Variants in NELL1 observed in about 807,000 individuals in gnomAD.
NELL1 encodes neural EGFL like 1.
NELL1 carries 76 observed loss-of-function variants against 107.4 expected under a neutral mutation model. The observed-to-expected ratio is 0.71, with a 90% CI of 0.59 to 0.86. The LOEUF (loss-of-function observed/expected upper bound fraction) is 0.86. Ranked by LOEUF, NELL1 falls within the 40% of genes least tolerant of loss-of-function variation. The pLI is 0.00. For synonymous variants in NELL1, 353 were observed against 341.2 expected, an observed-to-expected ratio of 1.03 and a Z score of -0.38; for missense variants, 1,024 against 1,005.5, an observed-to-expected ratio of 1.02 and a Z score of -0.25.
chr11:21,532,322 G>A (rs1053105679), intron 15 of NELL1, among the ~76,000 whole-genome samples: 4 of 152,092 alleles, frequency 2.6e-5, no homozygotes, highest in South Asian at 2.1e-4. Context: ...ACTCCTTATC[G>A]TTTCATTTTG....
chr11:20,756,827 C>G (rs1426374030), intron 2 of NELL1, among the ~76,000 whole-genome samples: 1 of 152,110 alleles, frequency 6.6e-6, no homozygotes. Flanking sequence ...AGTTAAGAAC[C>G]ATTGCACTAG....
intron 15 of NELL1, among the ~76,000 whole-genome samples, chr11:21,485,414 T>A (rs571458096): frequency 6.7e-6 from 1 of 149,286 alleles, no homozygotes; most frequent in Non-Finnish European, 1.5e-5. Context: ...TCCTCCTCAG[T>A]GGCAGGCCTC....
At chr11:21,387,106 C>G (rs889880803) in intron 15 of NELL1, among the ~76,000 whole-genome samples, 1 of 151,828 alleles carries the variant, frequency 6.6e-6, no homozygotes, top group African/African-American at 2.4e-5. Flanking sequence ...GGCGTTTGCA[C>G]CTAGTGTTCT....
chr11:21,341,540 G>A (rs1282381567), intron 14 of NELL1, among the ~76,000 whole-genome samples: 7 of 152,134 alleles, frequency 4.6e-5, no homozygotes, highest in Non-Finnish European at 1.0e-4. Flanking sequence ...TGGAGTATAT[G>A]TGATGAATTA....
intron 13 of NELL1, among the ~76,000 whole-genome samples, chr11:21,172,317 GT>G (rs1449169782): frequency 1.3e-5 from 2 of 151,872 alleles, no homozygotes; most frequent in African/African-American, 4.9e-5. Context: ...TTAGCACAGA[GT>G]GGTTTTCTCT....
Position 20,847,565 on chromosome 11 carries a change from T to G in NELL1, c.336-18T>G. The G allele has an allele frequency of 6.2e-7, 1 of 1,607,320 alleles. No homozygotes were observed. Among genetic ancestry groups the G allele is most frequent in the African/African-American group, 1.3e-5 (1 of 74,830 alleles). On this transcript the variant is annotated intron_variant, in intron 3 of 19. Coordinates refer to ENST00000357134, the MANE Select transcript of NELL1 (RefSeq NM_006157.5). Reference sequence around the variant, plus strand: ...TCCAGAACTAAAATAAAACAAATGTTTGTTCCTTTACATACAGCTATTTTG... The same window carrying G: ...TCCAGAACTAAAATAAAACAAATGTGTGTTCCTTTACATACAGCTATTTTG...
At chr11:20,707,049 G>T (rs1259206024) in intron 2 of NELL1, among the ~76,000 whole-genome samples, 1 of 152,100 alleles carries the variant, frequency 6.6e-6, no homozygotes, top group African/African-American at 2.4e-5. Context: ...ATATTTCTTG[G>T]AGGCTTTGTT....
intron 14 of NELL1, among the ~76,000 whole-genome samples, chr11:21,346,019 A>G (rs1345158011): frequency 1.3e-5 from 2 of 152,156 alleles, no homozygotes; most frequent in Non-Finnish European, 2.9e-5. Context: ...CATATTAGTA[A>G]AATGTGTTTC....
chr11:21,245,853 G>A (rs1046534313), intron 14 of NELL1, among the ~76,000 whole-genome samples: 1 of 152,104 alleles, frequency 6.6e-6, no homozygotes, highest in African/African-American at 2.4e-5. Context: ...ATGTTATGAA[G>A]GGGAAGGTTT....
intron 15 of NELL1, among the ~76,000 whole-genome samples, chr11:21,443,610 T>C (rs1286451252): frequency 6.6e-6 from 1 of 152,102 alleles, no homozygotes; most frequent in Non-Finnish European, 1.5e-5. Context: ...GGAAGTAGGT[T>C]GGCTGTTGGG....
chr11:20,807,319 C>T (rs921687459), intron 3 of NELL1, among the ~76,000 whole-genome samples: 2 of 152,200 alleles, frequency 1.3e-5, no homozygotes, highest in African/African-American at 2.4e-5. Flanking sequence ...GAGGTACCAC[C>T]TTGGTGGTTT....
intron 13 of NELL1, among the ~76,000 whole-genome samples, chr11:21,226,793 C>T (rs535177375): frequency 6.6e-6 from 1 of 152,042 alleles, no homozygotes; most frequent in Non-Finnish European, 1.5e-5. Flanking sequence ...AATTCATGGT[C>T]TAGAGAAAAA....
At chr11:20,962,778 T>C (rs375123770) in intron 12 of NELL1, among the ~76,000 whole-genome samples, 1 of 152,228 alleles carries the variant, frequency 6.6e-6, no homozygotes, top group South Asian at 2.1e-4. Context: ...CCAGTATGCA[T>C]TGTGGTGCTA....
At chr11:20,748,224 G>A (rs1827828630) in intron 2 of NELL1, among the ~76,000 whole-genome samples, 1 of 152,044 alleles carries the variant, frequency 6.6e-6, no homozygotes, top group Non-Finnish European at 1.5e-5. Flanking sequence ...TTTGTGATAT[G>A]GTTTCTGTCT....
chr11:21,257,587 G>C (rs1012120986), intron 14 of NELL1, among the ~76,000 whole-genome samples: 1 of 151,958 alleles, frequency 6.6e-6, no homozygotes, highest in African/African-American at 2.4e-5. Context: ...TGATTTGGAG[G>C]GGAAGTAAAG....
At chr11:21,484,597 T>C (rs902978681) in intron 15 of NELL1, among the ~76,000 whole-genome samples, 1 of 151,980 alleles carries the variant, frequency 6.6e-6, no homozygotes, top group Non-Finnish European at 1.5e-5. Context: ...TATTTGTGTA[T>C]AGTAGATGAT....
chr11:21,436,092 C>G (rs571066344), intron 15 of NELL1, among the ~76,000 whole-genome samples: 2 of 152,154 alleles, frequency 1.3e-5, no homozygotes, highest in Non-Finnish European at 2.9e-5. Flanking sequence ...GAGTCTCACT[C>G]TGTTGCCAGG....
intron 4 of NELL1, among the ~76,000 whole-genome samples, chr11:20,883,193 C>T (rs1226292204): frequency 6.6e-6 from 1 of 152,168 alleles, no homozygotes; most frequent in Admixed American, 6.5e-5. Flanking sequence ...TTTGTGGGGG[C>T]TGTATGACAT....
At chr11:20,819,777 A>G (rs1857709090) in intron 3 of NELL1, among the ~76,000 whole-genome samples, 1 of 152,190 alleles carries the variant, frequency 6.6e-6, no homozygotes, top group Non-Finnish European at 1.5e-5. Context: ...ATTTGTCAAT[A>G]TCTTTACCCA....
Sources: allele counts gnomAD v4.1 joint callset (sites outside exome capture counted in the v4.1 genomes callset), GRCh38; gene constraint gnomAD v4.1.1; transcripts MANE v1.5; gene names NCBI Gene and HGNC (gene_info 2026-07-23, HGNC 2026-07-21).